Variants in ASTN2 observed in about 807,000 individuals in gnomAD.
ASTN2 encodes astrotactin 2.
Under a neutral mutation model 139.8 loss-of-function variants are expected in ASTN2, and 54 were observed. That is an observed-to-expected ratio of 0.39 (90% confidence interval 0.31 to 0.48). The LOEUF is 0.48. Among genes scored for constraint, ASTN2 ranks in the 20% least tolerant of loss-of-function variants. ASTN2 has a pLI of 0.95. For missense variants in ASTN2, 1,565 were observed against 1,725.1 expected (o/e 0.91, Z 1.64); for synonymous variants, 756 against 719.5 (o/e 1.05, Z -0.81).
chr9:117,003,163 GT>G (rs2132574325), intron 7 of ASTN2, among the ~76,000 whole-genome samples: 1 of 152,316 alleles, frequency 6.6e-6, no homozygotes, highest in East Asian at 1.9e-4. Context: ...AACAGACACA[GT>G]TTTGTCAAGA....
intron 19 of ASTN2, among the ~76,000 whole-genome samples, chr9:116,489,259 G>T (rs1849435051): frequency 6.6e-6 from 1 of 152,190 alleles, no homozygotes; most frequent in African/African-American, 2.4e-5. Flanking sequence ...TGGTTGAGCA[G>T]AATATACAGA....
chr9:116,687,300 G>A lies in ASTN2; in HGVS notation c.2807-35507C>T, dbSNP rs1034481583. 3 of 988,550 alleles carry A rather than the reference G, an allele frequency of 3.0e-6. No individual in the cohort carries two copies. The African/African-American group carries it at 5.3e-5, about 17-fold the overall frequency. The allele number at this position is 988,550 out of a possible 1,614,324, so 61.2% of individuals were successfully genotyped here. A position where few individuals can be genotyped will look rare whatever the true frequency, so the allele number is the denominator to read the frequency against. Reference sequence around the variant, plus strand: ...AGCTCTGCGAATTGGCGCCCGGCAAGGGGTGCTCAACGGCGCGTGCGCAGA... The same window carrying A: ...AGCTCTGCGAATTGGCGCCCGGCAAAGGGTGCTCAACGGCGCGTGCGCAGA... On this transcript the variant is annotated intron_variant, in intron 16 of 22. Coordinates refer to ENST00000313400, the MANE Select transcript of ASTN2 (RefSeq NM_001365068.1).
At chr9:116,987,897 A>G (rs1451972693) in intron 7 of ASTN2, among the ~76,000 whole-genome samples, 1 of 152,256 alleles carries the variant, frequency 6.6e-6, no homozygotes, top group Non-Finnish European at 1.5e-5. Flanking sequence ...AGTGATGACC[A>G]GCAATTAGCA....
intron 1 of ASTN2, among the ~76,000 whole-genome samples, chr9:117,381,495 C>T (rs760069745): frequency 5.3e-5 from 8 of 152,206 alleles, no homozygotes; most frequent in African/African-American, 7.2e-5. Flanking sequence ...AAGATAGTGA[C>T]GGAGTTCTTG....
chr9:116,593,362 A>C (rs1322804193), intron 19 of ASTN2, among the ~76,000 whole-genome samples: 1 of 152,244 alleles, frequency 6.6e-6, no homozygotes, highest in Non-Finnish European at 1.5e-5. Flanking sequence ...CCACACATTA[A>C]TAAAAATTAT....
intron 5 of ASTN2, among the ~76,000 whole-genome samples, chr9:117,053,468 T>C (rs1838973133): frequency 1.3e-5 from 2 of 151,936 alleles, no homozygotes; most frequent in South Asian, 2.1e-4. Context: ...AAAAAACTAA[T>C]GATCTTCTGG....
In ASTN2 at chr9:117,141,400, A is replaced by AAC; in HGVS notation, c.1093_1094insGT (p.Ile365SerfsTer48). The AAC allele has an allele frequency of 2.9e-6, 4 of 1,367,362 alleles. No homozygotes were observed. The highest frequency in any genetic ancestry group is 3.9e-6 in the Non-Finnish European group (4 of 1,021,800). 84.7% of individuals were successfully genotyped at this position (1,367,362 alleles called of 1,614,324 possible). On this transcript the variant is annotated frameshift_variant, in exon 4 of 23. Transcript: ENST00000313400. LOFTEE classifies it high-confidence loss of function. ...GGGTGGTTGCAGCTGACCGATCTCG[A>AAC]TGGGCGTGTTAGCGCGGAAACTCTC...
intron 19 of ASTN2, among the ~76,000 whole-genome samples, chr9:116,527,368 C>T (rs1307895025): frequency 6.6e-6 from 1 of 151,926 alleles, no homozygotes; most frequent in Non-Finnish European, 1.5e-5. Context: ...AAGCAAAGGA[C>T]CTGAATAGAC....
intron 22 of ASTN2, among the ~76,000 whole-genome samples, chr9:116,430,834 G>A (rs780299837): frequency 4.6e-5 from 7 of 152,178 alleles, no homozygotes; most frequent in Non-Finnish European, 7.3e-5. Flanking sequence ...AGGAAGAGTC[G>A]GAGTGAGAGA....
At chr9:117,186,539 T>G (rs990489464) in intron 3 of ASTN2, among the ~76,000 whole-genome samples, 14 of 151,802 alleles carry the variant, frequency 9.2e-5, no homozygotes, top group Admixed American at 7.9e-4. Flanking sequence ...AGAGCGAGAC[T>G]CTGTCTCAAA....
chr9:117,127,908 CTGACCTCG>C (rs1295173471), intron 4 of ASTN2, among the ~76,000 whole-genome samples: 3 of 151,890 alleles, frequency 2.0e-5, no homozygotes, highest in African/African-American at 7.2e-5. Flanking sequence ...TCTCCATCTC[CTGACCTCG>C]TGATCCACCC....
At chr9:116,844,976 C>T (rs151313308) in intron 11 of ASTN2, among the ~76,000 whole-genome samples, 1 of 152,078 alleles carries the variant, frequency 6.6e-6, no homozygotes, top group Non-Finnish European at 1.5e-5. Context: ...GCTGTTATTG[C>T]TGTTATTAGC....
At chr9:116,948,751 CAG>C (rs145595672) in intron 10 of ASTN2, among the ~76,000 whole-genome samples, 112 of 117,136 alleles carry the variant, frequency 9.6e-4, no homozygotes, top group Admixed American at 1.1e-3. Context: ...AAAACAGAGA[CAG>C]AGAGAGAGAG....
chr9:117,356,364 G>A (rs893590802), intron 1 of ASTN2, among the ~76,000 whole-genome samples: 1 of 152,236 alleles, frequency 6.6e-6, no homozygotes, highest in Non-Finnish European at 1.5e-5. Context: ...CATGACATAT[G>A]TGGTGAGATT....
At position 117,235,757 on chromosome 9, in the gene ASTN2, CTT is replaced by C. The variant is rs111631003; in HGVS notation, c.631-21017_631-21016del. Among the ~76,000 whole-genome samples the C allele has an allele frequency of 7.4e-5, 11 of 149,246 alleles. No individual in the cohort carries two copies. The East Asian group carries it at 9.7e-4, about 13-fold the overall frequency. ...ATGAAGATAATATTTCAATGCAACT[CTT>C]TTTTTTTTAAATACAAGTTAATGCA... On this transcript the variant is annotated intron_variant, in intron 2 of 22. Coordinates refer to ENST00000313400, the MANE Select transcript of ASTN2 (RefSeq NM_001365068.1).
At chr9:116,600,608 C>T (rs1322243593) in intron 19 of ASTN2, among the ~76,000 whole-genome samples, 1 of 152,158 alleles carries the variant, frequency 6.6e-6, no homozygotes, top group East Asian at 1.9e-4. Flanking sequence ...CTTGGAAGGA[C>T]TAATTTGTAG....
chr9:116,445,572 C>A (rs1365325297), intron 20 of ASTN2, among the ~76,000 whole-genome samples: 1 of 152,180 alleles, frequency 6.6e-6, no homozygotes, highest in Non-Finnish European at 1.5e-5. Context: ...AGCCAAGCAG[C>A]ATGAATAAGA....
chr9:116,633,188 C>G (rs999518424), intron 17 of ASTN2, among the ~76,000 whole-genome samples: 1 of 152,198 alleles, frequency 6.6e-6, no homozygotes, highest in African/African-American at 2.4e-5. Context: ...TAGGAAACAT[C>G]GGTTATAACT....
chr9:116,501,427 C>A (rs201022085), intron 19 of ASTN2, among the ~76,000 whole-genome samples: 1 of 152,108 alleles, frequency 6.6e-6, no homozygotes, highest in African/African-American at 2.4e-5. Flanking sequence ...AATAAACATA[C>A]GTGTGCATGT....
Sources: allele counts gnomAD v4.1 joint callset (sites outside exome capture counted in the v4.1 genomes callset), GRCh38; gene constraint gnomAD v4.1.1; transcripts MANE v1.5; gene names NCBI Gene and HGNC (gene_info 2026-07-23, HGNC 2026-07-21).